Variants in KCNS3 observed in about 807,000 individuals in gnomAD.
The protein encoded by KCNS3 is potassium voltage-gated channel modifier subfamily S member 3.
In KCNS3, 13 loss-of-function variants were observed where a neutral mutation model predicts 31.0. The observed-to-expected ratio is 0.42, with a 90% confidence interval of 0.27 to 0.67. KCNS3 has a LOEUF of 0.67. Ranked by LOEUF, KCNS3 falls within the 30% of genes least tolerant of loss-of-function variation. KCNS3 has a pLI of 0.25. For synonymous variants in KCNS3, 238 were observed against 241.5 expected (o/e 0.99, Z 0.13); for missense variants, 545 against 622.4 (o/e 0.88, Z 1.32).
chr2:17,883,951 T>A (rs1428206677), intron 1 of KCNS3, among the ~76,000 whole-genome samples: 2 of 151,912 alleles, frequency 1.3e-5, no homozygotes, highest in Admixed American at 1.3e-4. Context: ...TTTATGTCCT[T>A]TGTAGGGACA....
At chr2:17,899,847 T>C (rs936442959) in intron 1 of KCNS3, among the ~76,000 whole-genome samples, 2 of 152,270 alleles carry the variant, frequency 1.3e-5, no homozygotes, top group Admixed American at 6.5e-5. Context: ...TTTGTAGCTC[T>C]TCACAGAAAG....
At chr2:17,901,904 GC>G (rs1662185320) in intron 1 of KCNS3, among the ~76,000 whole-genome samples, 1 of 152,192 alleles carries the variant, frequency 6.6e-6, no homozygotes, top group South Asian at 2.1e-4. Context: ...GTTGGCCAGT[GC>G]CCTCCTTCAG....
At chr2:17,907,169 ATAGT>A (rs374733887) in intron 1 of KCNS3, among the ~76,000 whole-genome samples, 4,930 of 152,268 alleles carry the variant, frequency 0.032, 91 homozygotes, top group African/African-American at 0.045. Flanking sequence ...TATATTTAAG[ATAGT>A]TAGCTCTTCT....
intron 1 of KCNS3, among the ~76,000 whole-genome samples, chr2:17,890,322 A>G (rs900761606): frequency 1.3e-5 from 2 of 151,706 alleles, no homozygotes; most frequent in African/African-American, 4.8e-5. Flanking sequence ...CTTCTTTTCT[A>G]GGTTAATCTT....
At chr2:17,923,983 T>C (rs1036352024) in intron 2 of KCNS3, among the ~76,000 whole-genome samples, 1 of 152,008 alleles carries the variant, frequency 6.6e-6, no homozygotes, top group Non-Finnish European at 1.5e-5. Flanking sequence ...AATAAATCTT[T>C]CAATCCGTGA....
chr2:17,890,520 TTGTC>T (rs1224662873), intron 1 of KCNS3, among the ~76,000 whole-genome samples: 30 of 152,134 alleles, frequency 2.0e-4, no homozygotes, highest in Admixed American at 7.9e-4. Flanking sequence ...TGACTTTAGA[TTGTC>T]TGTTTGTGCT....
chr2:17,883,631 T>C (rs12620793), intron 1 of KCNS3, among the ~76,000 whole-genome samples: 44,630 of 151,896 alleles, frequency 0.29, 6,747 homozygotes, highest in East Asian at 0.41. Context: ...AATTCCAGGC[T>C]GAGGATTCTA....
intron 2 of KCNS3, among the ~76,000 whole-genome samples, chr2:17,921,945 AT>A (rs1662724346): frequency 1.5e-5 from 2 of 137,212 alleles, no homozygotes; most frequent in African/African-American, 5.5e-5. Context: ...ATATATATAT[AT>A]ATATATATAT....
intron 1 of KCNS3, among the ~76,000 whole-genome samples, chr2:17,910,455 A>G (rs969040336): frequency 6.6e-6 from 1 of 152,122 alleles, no homozygotes; most frequent in Non-Finnish European, 1.5e-5. Flanking sequence ...CAGACCCCCT[A>G]CTCTAACTCT....
rs144831245 is a variant in KCNS3, at chr2:17,926,924, A to G, written c.-59-4026A>G. On this transcript the variant is annotated intron_variant, in intron 2 of 2. Transcript: ENST00000304101. Reference sequence around the variant, plus strand: ...AAAATGGGTTTTTCTTTTCTATCACATCATCGGGCTCCAAATTTCCCAAAC... The same window carrying G: ...AAAATGGGTTTTTCTTTTCTATCACGTCATCGGGCTCCAAATTTCCCAAAC... Among the ~76,000 whole-genome samples, 54 of 152,272 alleles carry G rather than the reference A, an allele frequency of 3.5e-4. No individual in the cohort carries two copies. The East Asian group carries it at 9.3e-3, about 26-fold the overall frequency.
In KCNS3 at chr2:17,931,675, G is replaced by A. The variant is rs767545883; in HGVS notation, c.667G>A (p.Glu223Lys). The A allele has an allele frequency of 9.9e-6, 16 of 1,614,086 alleles. No individual in the cohort carries two copies. The South Asian group carries it at 1.8e-4, about 18-fold the overall frequency. Reference sequence around the variant, plus strand: ...TGGAGAAGTGGATGATCCGGTGCTGGAAGGAGTGGAGATCGCGTGCATTGC... The same window carrying A: ...TGGAGAAGTGGATGATCCGGTGCTGAAAGGAGTGGAGATCGCGTGCATTGC... Reference protein sequence around the residue: ...EDGEVDDPVLEGVEIACIAWF... With the variant: ...EDGEVDDPVLKGVEIACIAWF... The change falls in exon 3 of 3, where the codon GAA becomes AAA. Residue 223 changes from glutamate to lysine, a missense_variant. Physicochemically the swap from Glu to Lys is moderately conservative, Grantham distance 56 (BLOSUM62 1). Transcript: ENST00000304101. The surrounding 1 kb of genome is among the most constrained non-coding windows in gnomAD (Gnocchi z 5.4).
At chr2:17,895,259 C>T (rs1350351719) in intron 1 of KCNS3, among the ~76,000 whole-genome samples, 1 of 152,054 alleles carries the variant, frequency 6.6e-6, no homozygotes, top group Non-Finnish European at 1.5e-5. Context: ...TGGCAACATA[C>T]TACAGCAATA....
intron 1 of KCNS3, among the ~76,000 whole-genome samples, chr2:17,911,462 T>C (rs1662469909): frequency 6.6e-6 from 1 of 152,350 alleles, no homozygotes; most frequent in East Asian, 1.9e-4. Context: ...TGACTGGAGC[T>C]GCTTATGACC....
rs1396796456 is a variant in KCNS3 at position 17,931,354 on chromosome 2, T to G, written c.346T>G (p.Cys116Gly). ...WGINELFIDS[C>G]CSNRYQERKE... ...CATCAACGAGCTCTTCATTGATTCT[T>G]GCTGCAGCAATCGCTACCAGGAACG... Residue 116 changes from cysteine (C) to glycine (G), a missense_variant, in exon 3 of 3, where the codon TGC becomes GGC. Coordinates refer to ENST00000304101, the MANE Select transcript of KCNS3 (RefSeq NM_002252.5). This position sits in a 1 kb window ranked among gnomAD's most constrained non-coding sequence, Gnocchi z 5.4. 2 of 1,614,162 alleles carry G rather than the reference T, an allele frequency of 1.2e-6. No homozygotes were observed. Among genetic ancestry groups the G allele is most frequent in the South Asian group, 2.2e-5 (2 of 91,088 alleles).
chr2:17,932,003 C>T lies in KCNS3; in HGVS notation c.995C>T (p.Ser332Phe). 1.2e-6 allele frequency: 2 copies of T among 1,614,158 alleles called. No homozygotes were observed. Among genetic ancestry groups the T allele is most frequent in the South Asian group, 1.1e-5 (1 of 91,072 alleles). Residue 332 changes from serine (S) to phenylalanine (F), a missense_variant, in exon 3 of 3, where the codon TCT becomes TTT. Ser to Phe is a radical substitution (Grantham distance 155). Coordinates refer to ENST00000304101, the MANE Select transcript of KCNS3 (RefSeq NM_002252.5). ...GTTGGGCTTCTGCTTCTCTTCCTCT[C>T]TGTGGGCATTTCCATTTTCTCTGTG... The part of the protein sequence containing the change: ...HEVGLLLLFL[S>F]VGISIFSVLI...
intron 2 of KCNS3, among the ~76,000 whole-genome samples, chr2:17,927,254 T>C (rs1662859668): frequency 6.6e-6 from 1 of 152,178 alleles, no homozygotes; most frequent in Non-Finnish European, 1.5e-5. Flanking sequence ...ATTGTCCATA[T>C]CACTACCAGC....
chr2:17,910,625 G>T (rs1451840909), intron 1 of KCNS3, among the ~76,000 whole-genome samples: 2 of 151,912 alleles, frequency 1.3e-5, no homozygotes, highest in African/African-American at 4.8e-5. Flanking sequence ...CCCAGTGGAA[G>T]TGTCTACTTT....
intron 1 of KCNS3, among the ~76,000 whole-genome samples, chr2:17,888,741 T>C (rs886311886): frequency 6.7e-6 from 1 of 149,106 alleles, no homozygotes; most frequent in African/African-American, 2.5e-5. Context: ...TGGCTGTAAG[T>C]ATTTGGGTTT....
Position 17,931,437 on chromosome 2 carries a change from C to T in KCNS3, c.429C>T (p.Asp143=), listed in dbSNP as rs763203465. The T allele has an allele frequency of 6.2e-7, 1 of 1,614,188 alleles. No individual in the cohort carries two copies. Among genetic ancestry groups the T allele is most frequent in the Non-Finnish European group, 8.5e-7 (1 of 1,180,040 alleles). ...WDQKSHDVST[D]SSFEESSLFE... ...AGAAAAGCCATGATGTGAGTACCGA[C>T]TCCTCGTTTGAAGAGTCGTCTCTGT... The change falls in exon 3 of 3, where the codon GAC becomes GAT. Residue 143 remains aspartate, a synonymous_variant. Coordinates refer to ENST00000304101, the MANE Select transcript of KCNS3 (RefSeq NM_002252.5). This position sits in a 1 kb window ranked among gnomAD's most constrained non-coding sequence, Gnocchi z 5.4.
Sources: allele counts gnomAD v4.1 joint callset (sites outside exome capture counted in the v4.1 genomes callset), GRCh38; gene constraint gnomAD v4.1.1; non-coding constraint Gnocchi (gnomAD v3.1); transcripts MANE v1.5; gene names NCBI Gene and HGNC (gene_info 2026-07-23, HGNC 2026-07-21).